The following MACROD2 variants were observed in gnomAD, a reference collection of about 807,000 sequenced individuals.
MACROD2 encodes ADP-ribose glycohydrolase MACROD2.
In MACROD2, 36 loss-of-function variants were observed where a neutral mutation model predicts 70.4. That is an observed-to-expected ratio of 0.51 (90% CI 0.39 to 0.68). The LOEUF (loss-of-function observed/expected upper bound fraction) is 0.68. Ranked by LOEUF, MACROD2 falls within the 30% of genes least tolerant of loss-of-function variation. MACROD2 has a pLI of 0.00. For synonymous variants in MACROD2, 172 were observed against 178.8 expected (o/e 0.96, Z 0.30); for missense variants, 496 against 538.4 (o/e 0.92, Z 0.78).
chr20:14,805,349 A>G (rs2072626128), intron 5 of MACROD2, among the ~76,000 whole-genome samples: 1 of 152,056 alleles, frequency 6.6e-6, no homozygotes, highest in Admixed American at 6.6e-5. Context: ...GCCTCTGGCA[A>G]TGATTTGGCT....
chr20:15,964,284 G>A (rs2066107007), intron 12 of MACROD2, among the ~76,000 whole-genome samples: 1 of 152,134 alleles, frequency 6.6e-6, no homozygotes, highest in South Asian at 2.1e-4. Context: ...ATAAGCAAAA[G>A]CAATTTATTT....
At chr20:14,712,740 C>A (rs913357701) in intron 5 of MACROD2, among the ~76,000 whole-genome samples, 5 of 152,170 alleles carry the variant, frequency 3.3e-5, no homozygotes, top group African/African-American at 1.2e-4. Context: ...AATCTCTCAA[C>A]TATTTTTTTC....
chr20:14,272,550 G>A (rs2122360504), intron 3 of MACROD2, among the ~76,000 whole-genome samples: 1 of 152,124 alleles, frequency 6.6e-6, no homozygotes, highest in Non-Finnish European at 1.5e-5. Flanking sequence ...ATGCCAAATT[G>A]TAAAGACCAT....
intron 5 of MACROD2, among the ~76,000 whole-genome samples, chr20:14,692,366 GTTC>G (rs1246878671): frequency 6.6e-6 from 1 of 152,162 alleles, no homozygotes; most frequent in Non-Finnish European, 1.5e-5. Context: ...ACTCTGACAC[GTTC>G]TTCTTTTCCT....
At chr20:14,036,099 G>A (rs964433163) in intron 2 of MACROD2, among the ~76,000 whole-genome samples, 2 of 151,198 alleles carry the variant, frequency 1.3e-5, no homozygotes, top group East Asian at 1.9e-4. Context: ...CCTAGATGGC[G>A]CCACTGCACT....
chr20:15,713,993 A>ACGCACACG (rs146331658), intron 8 of MACROD2, among the ~76,000 whole-genome samples: 1 of 125,746 alleles, frequency 8.0e-6, no homozygotes, highest in African/African-American at 4.8e-5. Flanking sequence ...ATATGCACAC[A>ACGCACACG]CACACACACA....
At chr20:14,557,047 T>C (rs554731830) in intron 4 of MACROD2, among the ~76,000 whole-genome samples, 124 of 152,010 alleles carry the variant, frequency 8.2e-4, no homozygotes, top group African/African-American at 2.8e-3. Flanking sequence ...TGGAATAGAA[T>C]TAAGAGTCCA....
At chr20:15,165,580 T>G (rs566902454) in intron 5 of MACROD2, among the ~76,000 whole-genome samples, 1 of 152,220 alleles carries the variant, frequency 6.6e-6, no homozygotes, top group Non-Finnish European at 1.5e-5. Context: ...TTTGTAACCA[T>G]AAAACAAATT....
At position 14,300,176 on chromosome 20, in the gene MACROD2, T is replaced by A. The variant is rs756843175; in HGVS notation, c.272-193303T>A. Among the ~76,000 whole-genome samples the A allele has an allele frequency of 4.6e-5, 7 of 152,344 alleles. 1 individual carries two copies. The Middle Eastern group carries it at 0.024, about 518-fold the overall frequency. Reference sequence around the variant, plus strand: ...TGGATTTCACCTAGAAGTAAAACTTTCGTTTACTGATAATGATAACAGCTA... The same window carrying A: ...TGGATTTCACCTAGAAGTAAAACTTACGTTTACTGATAATGATAACAGCTA... On this transcript the variant is annotated intron_variant, in intron 3 of 17. Coordinates refer to ENST00000684519, the MANE Select transcript of MACROD2 (RefSeq NM_001351661.2).
At chr20:14,724,215 T>C (rs2071502427) in intron 5 of MACROD2, among the ~76,000 whole-genome samples, 1 of 152,148 alleles carries the variant, frequency 6.6e-6, no homozygotes, top group South Asian at 2.1e-4. Context: ...AGAGGAAGTT[T>C]GGTGTTGTGG....
Position 15,799,081 on chromosome 20 carries a change from C to T in MACROD2, c.646-63664C>T, listed in dbSNP as rs572261181. ...AACTGCCAAGTTCAAGGCACCAACT[C>T]TTCTCTTCAAAGAGCTTATGATCTT... is the stretch of plus-strand genomic sequence containing the variant. On this transcript the variant is annotated intron_variant, in intron 8 of 17. Transcript: ENST00000684519. 2.6e-5 allele frequency among the ~76,000 whole-genome samples: 4 copies of T among 152,308 alleles called. No individual in the cohort carries two copies. In the East Asian group the frequency reaches 7.7e-4, roughly 29 times the overall value.
intron 4 of MACROD2, among the ~76,000 whole-genome samples, chr20:14,609,615 A>G (rs1335355544): frequency 6.6e-6 from 1 of 152,140 alleles, no homozygotes; most frequent in Non-Finnish European, 1.5e-5. Context: ...TTTTTGAAAT[A>G]CCAAATAGGA....
chr20:14,256,513 GAGA>G (rs2082057760), intron 3 of MACROD2, among the ~76,000 whole-genome samples: 1 of 152,002 alleles, frequency 6.6e-6, no homozygotes, highest in Non-Finnish European at 1.5e-5. Flanking sequence ...TATTCCCTTA[GAGA>G]AGATTTACTT....
At chr20:14,580,304 T>C (rs1980923797) in intron 4 of MACROD2, among the ~76,000 whole-genome samples, 1 of 152,194 alleles carries the variant, frequency 6.6e-6, no homozygotes, top group Non-Finnish European at 1.5e-5. Context: ...TATTTTACTG[T>C]GTTTTAAGTT....
chr20:15,967,040 G>C (rs2066150577), intron 12 of MACROD2, among the ~76,000 whole-genome samples: 1 of 152,144 alleles, frequency 6.6e-6, no homozygotes, highest in Non-Finnish European at 1.5e-5. Flanking sequence ...ACCTTGCAGA[G>C]ACCAGAAGGT....
chr20:15,693,113 A>C (rs2050319492), intron 8 of MACROD2, among the ~76,000 whole-genome samples: 1 of 152,152 alleles, frequency 6.6e-6, no homozygotes, highest in South Asian at 2.1e-4. Flanking sequence ...ATGTGAGTCC[A>C]TTAAAACTCT....
chr20:14,977,257 C>T (rs1023441572), intron 5 of MACROD2, among the ~76,000 whole-genome samples: 1 of 151,568 alleles, frequency 6.6e-6, no homozygotes, highest in African/African-American at 2.4e-5. Context: ...AAATCTTCAC[C>T]AGACTCAGCA....
intron 6 of MACROD2, 103 bp from the exon 7 acceptor site, chr20:15,431,302 G>C: frequency 9.8e-7 from 1 of 1,023,898 alleles, no homozygotes; most frequent in South Asian, 1.3e-5. Flanking sequence ...GAATATGTAA[G>C]TAGAGGGCAT....
intron 2 of MACROD2, among the ~76,000 whole-genome samples, chr20:14,002,742 A>T (rs2052750544): frequency 2.0e-5 from 3 of 152,082 alleles, no homozygotes; most frequent in Admixed American, 6.5e-5. Context: ...CTTTAAGTTC[A>T]TTTATAATCG....
Sources: allele counts gnomAD v4.1 joint callset (sites outside exome capture counted in the v4.1 genomes callset), GRCh38; gene constraint gnomAD v4.1.1; transcripts MANE v1.5; gene names NCBI Gene and HGNC (gene_info 2026-07-23, HGNC 2026-07-21).